SLC20A2: variants seen among roughly 807,000 people sequenced by gnomAD.
SLC20A2 encodes sodium-dependent phosphate transporter 2.
Under a neutral mutation model 61.0 loss-of-function variants are expected in SLC20A2, and 30 were observed. The ratio of observed to expected loss-of-function variants is 0.49; its 90% CI spans 0.37 to 0.67. The LOEUF (loss-of-function observed/expected upper bound fraction) is 0.67. SLC20A2 is among the 30% of genes least tolerant of loss of function. The pLI is 0.00. For missense variants in SLC20A2, 626 were observed against 866.4 expected, an observed-to-expected ratio of 0.72 and a Z score of 3.48; for synonymous variants, 351 against 353.3, an observed-to-expected ratio of 0.99 and a Z score of 0.07.
At chr8:42,528,053 T>C (rs762025102) in intron 1 of SLC20A2, among the ~76,000 whole-genome samples, 1 of 152,234 alleles carries the variant, frequency 6.6e-6, no homozygotes, top group Non-Finnish European at 1.5e-5. Flanking sequence ...CACTAAGCAC[T>C]GATTGCTCTT....
intron 1 of SLC20A2, among the ~76,000 whole-genome samples, chr8:42,530,404 A>T (rs1311063104): frequency 1.3e-5 from 2 of 152,196 alleles, no homozygotes; most frequent in Non-Finnish European, 2.9e-5. Context: ...CAGTGTTGGG[A>T]TTACAACTAT....
intron 10 of SLC20A2, among the ~76,000 whole-genome samples, chr8:42,426,374 G>C (rs1446277591): frequency 6.6e-6 from 1 of 152,162 alleles, no homozygotes; most frequent in Non-Finnish European, 1.5e-5. Flanking sequence ...CACCAACCTG[G>C]AAGAACCAAA....
At position 42,437,394 on chromosome 8, in the gene SLC20A2, T is replaced by G. The variant is rs1563454139; in HGVS notation, c.1118A>C (p.Gln373Pro). The G allele has an allele frequency of 6.2e-7, 1 of 1,614,062 alleles. No individual in the cohort carries two copies. Residue 373 changes from glutamine to proline, a missense_variant, in exon 8 of 11, where the codon CAG (glutamine) becomes CCG (proline). Around this residue, in one of 3 missense-constraint regions of SLC20A2, gnomAD observed 361 missense variants for 422.3 expected, o/e 0.85. Coordinates refer to ENST00000520262, the MANE Select transcript of SLC20A2 (RefSeq NM_001257180.2). The surrounding 1 kb of genome is among the most constrained non-coding windows in gnomAD (Gnocchi z 6.4). ...IDRGPEEKPA[Q>P]ESNYRLLRRN... The stretch of plus-strand genomic sequence containing the variant: ...GCGCAGCAGCCGGTAGTTGCTTTCC[T>G]GGGCTGGCTTCTCCTCGGGGCCCCT...
chr8:42,424,167 G>C (rs1242435133), intron 10 of SLC20A2, among the ~76,000 whole-genome samples: 1 of 152,234 alleles, frequency 6.6e-6, no homozygotes, highest in East Asian at 1.9e-4. Context: ...ACTGTGCTCA[G>C]TAGTGGCACT....
intron 1 of SLC20A2, among the ~76,000 whole-genome samples, chr8:42,518,739 A>T (rs1163191789): frequency 6.6e-6 from 1 of 152,238 alleles, no homozygotes; most frequent in Non-Finnish European, 1.5e-5. Flanking sequence ...CCCACACTCC[A>T]CACAGGTTTT....
chr8:42,444,018 T>G (rs1805015819), intron 6 of SLC20A2, among the ~76,000 whole-genome samples: 1 of 152,194 alleles, frequency 6.6e-6, no homozygotes, highest in Admixed American at 6.5e-5. Context: ...ATTTACTCAA[T>G]TTGGTTACCC....
intron 1 of SLC20A2, among the ~76,000 whole-genome samples, chr8:42,523,818 G>C (rs1811750497): frequency 6.6e-6 from 1 of 152,180 alleles, no homozygotes; most frequent in Non-Finnish European, 1.5e-5. Context: ...AGATCTGAGT[G>C]GAACAGCTCC....
rs373120694 is a variant in SLC20A2, at chr8:42,472,130, G to A, written c.261C>T (p.Leu87=). ...VNLYNETVET[L]MAGEVSAMVG... ...CCATGGCACTAACTTCCCCAGCCAT[G>A]AGAGTCTCCACCGTCTCGTTGTACA... The change falls in exon 2 of 11, where the codon CTC becomes CTT. Residue 87 remains leucine (L), a synonymous_variant. Transcript: ENST00000520262. The surrounding 1 kb of genome is among the most constrained non-coding windows in gnomAD (Gnocchi z 4.1). The A allele has an allele frequency of 1.9e-5, 30 of 1,613,364 alleles. No individual in the cohort carries two copies. In the African/African-American group the frequency reaches 2.9e-4, roughly 16 times the overall value.
intron 10 of SLC20A2, among the ~76,000 whole-genome samples, chr8:42,426,589 G>A (rs141581251): frequency 1.4e-4 from 22 of 152,262 alleles, no homozygotes; most frequent in Non-Finnish European, 2.6e-4. Context: ...TCAGCTACCC[G>A]GAGGCTGAGG....
intron 1 of SLC20A2, among the ~76,000 whole-genome samples, chr8:42,519,225 CACGAGGTCAAGGGATTGAG>C (rs1811496918): frequency 1.3e-5 from 2 of 152,162 alleles, no homozygotes; most frequent in Admixed American, 1.3e-4. Context: ...GCAGACAGAT[CACGAGGTCAAGGGATTGAG>C]ACCATCCTGG....
At chr8:42,418,034 T>C (rs934009678) in intron 10 of SLC20A2, 67 bp from the exon 11 acceptor site, 6 of 1,341,256 alleles carry the variant, frequency 4.5e-6, no homozygotes, top group African/African-American at 4.4e-5. Flanking sequence ...CCAATGTACA[T>C]GGGCTAATCT....
intron 1 of SLC20A2, among the ~76,000 whole-genome samples, chr8:42,532,821 C>T (rs1172540473): frequency 1.3e-5 from 2 of 152,122 alleles, no homozygotes; most frequent in Non-Finnish European, 2.9e-5. Context: ...GTAAGTGGAC[C>T]ACAGGCGAGG....
chr8:42,533,640 A>C (rs909309430), intron 1 of SLC20A2, among the ~76,000 whole-genome samples: 3 of 94,798 alleles, frequency 3.2e-5, no homozygotes, highest in East Asian at 3.0e-4. Flanking sequence ...TAATGGCCTT[A>C]ATGATCAACT....
chr8:42,498,625 C>G (rs1194222018), intron 1 of SLC20A2, among the ~76,000 whole-genome samples: 2 of 152,088 alleles, frequency 1.3e-5, no homozygotes, highest in Admixed American at 1.3e-4. Flanking sequence ...ATCAGCCTTC[C>G]TCCTGAGGGC....
intron 8 of SLC20A2, among the ~76,000 whole-genome samples, chr8:42,430,797 G>A (rs1027757381): frequency 6.6e-6 from 1 of 152,084 alleles, no homozygotes; most frequent in South Asian, 2.1e-4. Context: ...CAGTATTCCC[G>A]AATTTTTCAT....
rs896433374 is a variant in SLC20A2 at position 42,530,085 on chromosome 8, AT to A, written c.-265+11735del. On this transcript the variant is annotated intron_variant, in intron 1 of 10. Transcript: ENST00000342228. The stretch of plus-strand genomic sequence containing the variant: ...AGTTTAATCATGCAATGAGTATGTG[AT>A]TTTTTTTTTCCAAGCCAAACAACCT... Among the ~76,000 whole-genome samples, 10 of 150,556 alleles carry A rather than the reference AT, an allele frequency of 6.6e-5. No homozygotes were observed. The East Asian group carries it at 7.8e-4, about 12-fold the overall frequency.
intron 10 of SLC20A2, among the ~76,000 whole-genome samples, chr8:42,423,777 T>A (rs976123073): frequency 6.6e-6 from 1 of 152,240 alleles, no homozygotes; most frequent in Admixed American, 6.5e-5. Context: ...ACTATGTCTT[T>A]GCTACTGATC....
At chr8:42,446,794 T>A (rs780657493) in intron 5 of SLC20A2, among the ~76,000 whole-genome samples, 29 of 152,256 alleles carry the variant, frequency 1.9e-4, no homozygotes, top group Non-Finnish European at 3.1e-4. Context: ...CACATACCTT[T>A]ATAGTGGTAA....
At chr8:42,433,040 A>G (rs1469647550) in intron 8 of SLC20A2, among the ~76,000 whole-genome samples, 4 of 152,214 alleles carry the variant, frequency 2.6e-5, no homozygotes, top group African/African-American at 4.8e-5. Context: ...AGGTTCACCT[A>G]TATAATCTAT....
Sources: allele counts gnomAD v4.1 joint callset (sites outside exome capture counted in the v4.1 genomes callset), GRCh38; gene constraint gnomAD v4.1.1; regional missense constraint gnomAD v4.1.1; non-coding constraint Gnocchi (gnomAD v3.1); transcripts MANE v1.5; gene names NCBI Gene and HGNC (gene_info 2026-07-23, HGNC 2026-07-21).